FGD6: variants seen among roughly 807,000 people sequenced by gnomAD.
FGD6 encodes the protein FYVE, RhoGEF and PH domain-containing protein 6.
A neutral mutation model predicts 149.4 loss-of-function variants in FGD6; 90 were observed. The observed-to-expected ratio is 0.60, with a 90% confidence interval of 0.51 to 0.72. The LOEUF (loss-of-function observed/expected upper bound fraction) is 0.72, where lower values mean the gene tolerates loss of function less well. FGD6 is among the 30% of genes least tolerant of loss of function. FGD6 has a pLI of 0.00. For synonymous variants in FGD6, 527 were observed against 584.0 expected, an observed-to-expected ratio of 0.90 and a Z score of 1.41; for missense variants, 1,437 against 1,684.8, an observed-to-expected ratio of 0.85 and a Z score of 2.57.
chr12:95,141,020 G>A (rs547649177), intron 6 of FGD6, among the ~76,000 whole-genome samples: 12 of 152,158 alleles, frequency 7.9e-5, no homozygotes, highest in African/African-American at 1.4e-4. Context: ...TCAGGAGTTC[G>A]AGACCAGCCT....
In FGD6 at chr12:95,217,246, C is replaced by G; in HGVS notation, c.-6G>C. The G allele has an allele frequency of 1.2e-6, 2 of 1,611,718 alleles. No individual in the cohort carries two copies. The highest frequency in any genetic ancestry group is 1.7e-6 in the Non-Finnish European group (2 of 1,178,424). On this transcript the variant is annotated 5_prime_UTR_variant, in exon 1 of 21. Coordinates refer to ENST00000343958, the MANE Select transcript of FGD6 (RefSeq NM_018351.4). Reference sequence around the variant, plus strand: ...TTACCGGCTGCAGAAGTCATGATTCCCCGGTGCAGCTCGCTTCCCCGCTCG... The same window carrying G: ...TTACCGGCTGCAGAAGTCATGATTCGCCGGTGCAGCTCGCTTCCCCGCTCG...
intron 5 of FGD6, 127 bp downstream of exon 5, chr12:95,152,684 A>C: frequency 1.2e-6 from 1 of 806,584 alleles, no homozygotes; most frequent in African/African-American, 1.7e-5. Flanking sequence ...TGTTATCTAC[A>C]TATATGAAAT....
chr12:95,101,807 C>T (rs972463572), intron 14 of FGD6, among the ~76,000 whole-genome samples: 6 of 151,470 alleles, frequency 4.0e-5, no homozygotes, highest in South Asian at 4.2e-4. Context: ...CTCAGTCTCC[C>T]GAGTAGCTGG....
chr12:95,134,815 G>C lies in FGD6; in HGVS notation c.3006C>G (p.Arg1002=). The C allele has an allele frequency of 1.2e-6, 2 of 1,612,894 alleles. No individual in the cohort carries two copies. Among genetic ancestry groups the C allele is most frequent in the Middle Eastern group, 1.7e-4 (1 of 6,052 alleles). The change falls in exon 8 of 21, where the codon CGC becomes CGG. Residue 1002 remains arginine (R), a synonymous_variant. Transcript: ENST00000343958. ...AGTGCTTGAGGGCCAGATTAGCACA[G>C]CGAGGGCTCATCTGAAAGGAGAAGG... ...AVVREFEMSP[R]CANLALKHYL...
At position 95,092,864 on chromosome 12, in the gene FGD6, T is replaced by C; in HGVS notation, c.3601-19A>G. The C allele has an allele frequency of 6.3e-7, 1 of 1,593,062 alleles. No individual in the cohort carries two copies. The highest frequency in any genetic ancestry group is 2.3e-5 in the East Asian group (1 of 44,296). On this transcript the variant is annotated intron_variant, in intron 15 of 20. Transcript: ENST00000343958. ...AGTCTGCCTGTGGAAGAAGAACAAC[T>C]TCTGATTATCTCCATGCACACTGCC...
chr12:95,147,000 C>T lies in FGD6; in HGVS notation c.2686-5461G>A, dbSNP rs181937982. ...AATGAGGGGTATGTGACTTAATTAC[C>T]AGCTGTCCTGACCCAGCTGCCTGAC... On this transcript the variant is annotated intron_variant, in intron 5 of 20. Transcript: ENST00000343958. Among the ~76,000 whole-genome samples the T allele has an allele frequency of 3.5e-3, 528 of 152,192 alleles. 1 individual carries two copies. Among genetic ancestry groups the T allele is most frequent in the African/African-American group, 0.012 (501 of 41,512 alleles).
chr12:95,141,734 G>C, intron 5 of FGD6, among the ~76,000 whole-genome samples, 195 bp from the exon 6 acceptor site: 1 of 152,048 alleles, frequency 6.6e-6, no homozygotes, highest in South Asian at 2.1e-4. Flanking sequence ...AAAATAGTGA[G>C]ACGATTATTT....
In FGD6 at chr12:95,208,931, C is replaced by T. The variant is rs779514774; in HGVS notation, c.2353G>A (p.Asp785Asn). The T allele has an allele frequency of 6.2e-7, 1 of 1,614,098 alleles. No individual in the cohort carries two copies. Among genetic ancestry groups the T allele is most frequent in the South Asian group, 1.1e-5 (1 of 91,078 alleles). The change falls in exon 2 of 21, where the codon GAC (aspartate) becomes AAC (asparagine). Residue 785 changes from aspartate to asparagine, a missense_variant. Coordinates refer to ENST00000343958, the MANE Select transcript of FGD6 (RefSeq NM_018351.4). ...ACCTCATACACATTTGCATCAGCGT[C>T]CTCCATGCTGCTGGAATTCTGCCAT... ...LEWQNSSSME[D>N]ADANVYEVEE... is the part of the protein sequence containing the mutation.
At position 95,113,672 on chromosome 12, in the gene FGD6, C is replaced by T; in HGVS notation, c.3112G>A (p.Gly1038Arg). The change falls in exon 9 of 21, where the codon GGA becomes AGA. Residue 1038 changes from glycine (G) to arginine (R), a missense_variant. Around this residue, in one of 2 missense-constraint regions of FGD6, gnomAD observed 382 missense variants for 538.7 expected, o/e 0.71. Transcript: ENST00000343958. Reference protein sequence around the residue: ...DYLKNLIEDAGDYRDTQDALA... With the variant: ...DYLKNLIEDARDYRDTQDALA... ...TTACCTTGAGTGTCTCTGTAATCTC[C>T]AGCATCTTCTATGAGATTCTTCAAA... 3 of 1,593,922 alleles carry T rather than the reference C, an allele frequency of 1.9e-6. No homozygotes were observed. Among genetic ancestry groups the T allele is most frequent in the Non-Finnish European group, 2.6e-6 (3 of 1,172,786 alleles).
chr12:95,142,671 A>G (rs1260430107), intron 5 of FGD6, among the ~76,000 whole-genome samples: 2 of 152,234 alleles, frequency 1.3e-5, no homozygotes, highest in African/African-American at 4.8e-5. Flanking sequence ...CATCTGCTAA[A>G]TGAGTATAAT....
chr12:95,169,597 T>A (rs1880929490), intron 3 of FGD6, among the ~76,000 whole-genome samples: 2 of 152,160 alleles, frequency 1.3e-5, no homozygotes, highest in East Asian at 1.9e-4. Context: ...ATAACACTGC[T>A]GGGTTAAAGA....
intron 15 of FGD6, among the ~76,000 whole-genome samples, chr12:95,094,284 T>C (rs2136234728): frequency 6.6e-6 from 1 of 152,244 alleles, no homozygotes; most frequent in Non-Finnish European, 1.5e-5. Flanking sequence ...AAGACGCCTG[T>C]GGTAGTGGGA....
chr12:95,215,684 G>A (rs2056749787), intron 1 of FGD6, among the ~76,000 whole-genome samples: 1 of 152,202 alleles, frequency 6.6e-6, no homozygotes, highest in Non-Finnish European at 1.5e-5. Context: ...TACAAAAATA[G>A]CTTGCATTAT....
intron 2 of FGD6, among the ~76,000 whole-genome samples, chr12:95,177,763 A>G (rs1009572838): frequency 6.6e-6 from 1 of 152,210 alleles, no homozygotes; most frequent in Non-Finnish European, 1.5e-5. Context: ...CACACTAACT[A>G]TAAAATTGGT....
In FGD6 at chr12:95,113,603, C is replaced by A. The variant is rs750606708; in HGVS notation, c.3133+48G>T. The stretch of plus-strand genomic sequence containing the variant: ...ATATATTTTTACTTTCTAGCCCTAC[C>A]TAAATAAACATAATATAAAAACTTC... On this transcript the variant is annotated intron_variant, in intron 9 of 20. Coordinates refer to ENST00000343958, the MANE Select transcript of FGD6 (RefSeq NM_018351.4). 4 of 1,385,204 alleles carry A rather than the reference C, an allele frequency of 2.9e-6. No individual in the cohort carries two copies. The East Asian group carries it at 6.9e-5, about 24-fold the overall frequency. 85.8% of individuals were successfully genotyped at this position (1,385,204 alleles called of 1,614,324 possible). A position where few individuals can be genotyped will look rare whatever the true frequency, so the allele number is the denominator to read the frequency against.
chr12:95,158,502 A>T (rs903757445), intron 3 of FGD6, among the ~76,000 whole-genome samples: 1 of 152,058 alleles, frequency 6.6e-6, no homozygotes, highest in African/African-American at 2.4e-5. Context: ...CCTCAGGAAG[A>T]CTGCAGTCTT....
intron 7 of FGD6, among the ~76,000 whole-genome samples, chr12:95,135,173 C>G (rs1330159822): frequency 2.0e-5 from 3 of 152,144 alleles, no homozygotes; most frequent in Non-Finnish European, 2.9e-5. Flanking sequence ...TAAATACAAA[C>G]AAATCCCAAT....
intron 2 of FGD6, among the ~76,000 whole-genome samples, chr12:95,179,304 G>A (rs761230909): frequency 2.0e-5 from 3 of 151,564 alleles, no homozygotes; most frequent in Non-Finnish European, 4.4e-5. Flanking sequence ...GTTCGAGACC[G>A]GCCTGGGCAA....
intron 5 of FGD6, among the ~76,000 whole-genome samples, chr12:95,148,541 C>CATATATTATATT (rs1337226832): frequency 1.8e-5 from 2 of 113,078 alleles, no homozygotes; most frequent in East Asian, 3.0e-4. Context: ...TAATATATAG[C>CATATATTATATT]ATATATTATA....
Sources: allele counts gnomAD v4.1 joint callset (sites outside exome capture counted in the v4.1 genomes callset), GRCh38; gene constraint gnomAD v4.1.1; regional missense constraint gnomAD v4.1.1; transcripts MANE v1.5; gene names NCBI Gene and HGNC (gene_info 2026-07-23, HGNC 2026-07-21).